CRISPLD2: variants seen among roughly 807,000 people sequenced by gnomAD.
CRISPLD2 encodes the protein cysteine rich secretory protein LCCL domain containing 2.
CRISPLD2 carries 47 observed loss-of-function variants against 71.1 expected under a neutral mutation model. The observed-to-expected ratio is 0.66, with a 90% CI of 0.52 to 0.84. The LOEUF is 0.84. Ranked by LOEUF, CRISPLD2 falls within the 40% of genes least tolerant of loss-of-function variation. The pLI, the probability that CRISPLD2 is intolerant of heterozygous loss-of-function variation, is 0.00. For missense variants in CRISPLD2, 830 were observed against 651.1 expected (o/e 1.27, Z -2.99); for synonymous variants, 317 against 250.1 (o/e 1.27, Z -2.52).
intron 1 of CRISPLD2, among the ~76,000 whole-genome samples, chr16:84,831,269 G>A (rs193274243): frequency 4.3e-4 from 65 of 152,174 alleles, no homozygotes; most frequent in African/African-American, 1.5e-3. Flanking sequence ...GTGGTGACAT[G>A]AATCCCCCAG....
intron 13 of CRISPLD2, among the ~76,000 whole-genome samples, chr16:84,887,308 A>C (rs2071621897): frequency 6.6e-6 from 1 of 152,160 alleles, no homozygotes; most frequent in South Asian, 2.1e-4. Flanking sequence ...AGGACAGAAT[A>C]TGGGGAGTCT....
chr16:84,877,316 C>G, intron 11 of CRISPLD2, 122 bp from the exon 12 acceptor site: 1 of 813,376 alleles, frequency 1.2e-6, no homozygotes, highest in Non-Finnish European at 2.0e-6. Flanking sequence ...GTAGTCCCAG[C>G]TCTATTCAAG....
At chr16:84,884,210 A>G (rs1405807358) in intron 13 of CRISPLD2, among the ~76,000 whole-genome samples, 2 of 152,146 alleles carry the variant, frequency 1.3e-5, no homozygotes, top group Non-Finnish European at 2.9e-5. Context: ...GACAGTGGAC[A>G]GATTGCTGGC....
chr16:84,879,702 C>G (rs956627745), intron 12 of CRISPLD2, among the ~76,000 whole-genome samples: 1 of 151,902 alleles, frequency 6.6e-6, no homozygotes, highest in Non-Finnish European at 1.5e-5. Flanking sequence ...CCCTTTCTCT[C>G]TACCCACTCA....
chr16:84,865,098 T>A (rs1917498258), intron 6 of CRISPLD2, among the ~76,000 whole-genome samples: 1 of 152,154 alleles, frequency 6.6e-6, no homozygotes, highest in Non-Finnish European at 1.5e-5. Context: ...AGAAAGCTCA[T>A]GTATTTTAAG....
At chr16:84,866,868 A>T in intron 6 of CRISPLD2, 29 bp from the exon 7 acceptor site, 2 of 1,598,012 alleles carry the variant, frequency 1.3e-6, no homozygotes, top group Non-Finnish European at 1.7e-6. Context: ...CCAGTGTGTT[A>T]TTTTTTTTCC....
intron 8 of CRISPLD2, among the ~76,000 whole-genome samples, chr16:84,869,903 C>T (rs1447087817): frequency 6.6e-6 from 1 of 152,184 alleles, no homozygotes; most frequent in Admixed American, 6.5e-5. Context: ...CATTCCTTGT[C>T]AGACAACATC....
At chr16:84,846,759 C>G (rs953656364) in intron 3 of CRISPLD2, among the ~76,000 whole-genome samples, 10 of 152,192 alleles carry the variant, frequency 6.6e-5, no homozygotes, top group African/African-American at 2.4e-4. Flanking sequence ...TTCTCCAGAC[C>G]CCCGAGGCTT....
intron 14 of CRISPLD2, among the ~76,000 whole-genome samples, chr16:84,905,459 G>A (rs1397958670): frequency 6.6e-6 from 1 of 151,162 alleles, no homozygotes; most frequent in African/African-American, 2.4e-5. Flanking sequence ...GAGTGCAGTG[G>A]CAGAATCTTG....
chr16:84,895,052 C>T (rs1473156479), intron 14 of CRISPLD2, among the ~76,000 whole-genome samples: 2 of 152,238 alleles, frequency 1.3e-5, no homozygotes, highest in African/African-American at 4.8e-5. Flanking sequence ...CTGCTGATAG[C>T]AGACAGGCAG....
intron 1 of CRISPLD2, among the ~76,000 whole-genome samples, chr16:84,835,838 C>T (rs924538492): frequency 2.0e-5 from 3 of 152,218 alleles, no homozygotes; most frequent in Non-Finnish European, 2.9e-5. Flanking sequence ...GGATAGCTCA[C>T]GCTGGCTCAG....
rs757808459 is a variant in CRISPLD2 at position 84,873,130 on chromosome 16, C to A, written c.1112+8C>A. On this transcript the variant is annotated splice_region_variant and intron_variant, in intron 10 of 14. Coordinates refer to ENST00000262424, the MANE Select transcript of CRISPLD2 (RefSeq NM_031476.4). The stretch of plus-strand genomic sequence containing the variant: ...CGGCGTGCAGTCCCTCAGGTAACTA[C>A]TCTGTGATCGGGGCTCTGTGAAACG... The A allele has an allele frequency of 6.2e-7, 1 of 1,609,326 alleles. No individual in the cohort carries two copies. The highest frequency in any genetic ancestry group is 8.5e-7 in the Non-Finnish European group (1 of 1,178,184).
chr16:84,868,367 AG>A (rs1917599137), intron 7 of CRISPLD2, among the ~76,000 whole-genome samples: 1 of 152,172 alleles, frequency 6.6e-6, no homozygotes, highest in African/African-American at 2.4e-5. Flanking sequence ...CAAAGCAAAA[AG>A]CTTTGCAAAA....
chr16:84,896,295 C>G (rs2071705529), intron 14 of CRISPLD2, among the ~76,000 whole-genome samples: 1 of 151,988 alleles, frequency 6.6e-6, no homozygotes, highest in Non-Finnish European at 1.5e-5. Context: ...GTGATCCGCC[C>G]ACCTCAGCCT....
Position 84,838,573 on chromosome 16 carries a change from C to T in CRISPLD2, c.78C>T (p.Pro26=). 3 of 1,614,234 alleles carry T rather than the reference C, an allele frequency of 1.9e-6. No homozygotes were observed. The highest frequency in any genetic ancestry group is 2.5e-6 in the Non-Finnish European group (3 of 1,180,036). ...GCGGATCCCAAGGCTACCTCCTGCC[C>T]AACGTCACTCTCTTAGAGGAGCTGC... The part of the protein sequence containing the change: ...LVCGSQGYLL[P]NVTLLEELLS... Residue 26 remains proline, a synonymous_variant, in exon 2 of 15, where the codon CCC becomes CCT. Transcript: ENST00000262424.
At chr16:84,863,957 C>CAAAAAA (rs781013604) in intron 6 of CRISPLD2, among the ~76,000 whole-genome samples, 4 of 80,828 alleles carry the variant, frequency 4.9e-5, no homozygotes, top group African/African-American at 1.3e-4. Context: ...AACTTCCTCT[C>CAAAAAA]AAAAAAAAAA....
In CRISPLD2 at chr16:84,830,222, T is replaced by G. The variant is rs1175511850; in HGVS notation, c.-74-8200T>G. On this transcript the variant is annotated intron_variant, in intron 1 of 14. Coordinates refer to ENST00000262424, the MANE Select transcript of CRISPLD2 (RefSeq NM_031476.4). ...CTGTAGTCCCAGCAACTTGGGAGGCTGAGGTGGGAGGATCATTTGAGCCTG... is the reference window on the plus strand; with the variant it reads ...CTGTAGTCCCAGCAACTTGGGAGGCGGAGGTGGGAGGATCATTTGAGCCTG... 6.6e-4 allele frequency among the ~76,000 whole-genome samples: 101 copies of G among 152,088 alleles called. 1 individual carries two copies. Among genetic ancestry groups the G allele is most frequent in the Non-Finnish European group, 5.9e-5 (4 of 68,014 alleles).
intron 9 of CRISPLD2, among the ~76,000 whole-genome samples, 199 bp downstream of exon 9, chr16:84,872,707 C>A (rs748430936): frequency 2.0e-5 from 3 of 152,212 alleles, no homozygotes; most frequent in Non-Finnish European, 4.4e-5. Context: ...CTCCTGAAGG[C>A]CAGTCTCCGT....
chr16:84,835,310 G>A (rs370995738), intron 1 of CRISPLD2, among the ~76,000 whole-genome samples: 15 of 152,058 alleles, frequency 9.9e-5, no homozygotes, highest in African/African-American at 3.4e-4. Context: ...GGCTGGTGTC[G>A]AACTTCTCAG....
Sources: gnomAD v4.1 joint callset for allele counts (sites outside exome capture counted in the v4.1 genomes callset) on GRCh38, gnomAD v4.1.1 for gene constraint, MANE v1.5 for transcripts, NCBI Gene and HGNC (gene_info 2026-07-23, HGNC 2026-07-21) for gene names.